The following CNTN3 variants were observed in gnomAD, a reference collection of about 807,000 sequenced individuals.
CNTN3 encodes contactin 3, also known as contactin-3.
A neutral mutation model predicts 119.1 loss-of-function variants in CNTN3; 60 were observed. The ratio of observed to expected loss-of-function variants is 0.50; its 90% confidence interval spans 0.41 to 0.62. The LOEUF is 0.62. Ranked by LOEUF, CNTN3 falls within the 20% of genes least tolerant of loss-of-function variation. The pLI, the probability that CNTN3 is intolerant of heterozygous loss-of-function variation, is 0.00. For missense variants in CNTN3, 1,101 were observed against 1,242.4 expected (o/e 0.89, Z 1.71); for synonymous variants, 450 against 438.7 (o/e 1.03, Z -0.32).
intron 2 of CNTN3, among the ~76,000 whole-genome samples, chr3:74,517,933 T>G (rs1703478555): frequency 6.6e-6 from 1 of 151,944 alleles, no homozygotes; most frequent in Non-Finnish European, 1.5e-5. Context: ...CAGGGGTATT[T>G]AAAAACACTT....
chr3:74,399,543 T>C lies in CNTN3; in HGVS notation c.454+25302A>G, dbSNP rs151135691. Among the ~76,000 whole-genome samples, 14 of 152,306 alleles carry C rather than the reference T, an allele frequency of 9.2e-5. No homozygotes were observed. In the East Asian group the frequency reaches 1.4e-3, roughly 15 times the overall value. Reference sequence around the variant, plus strand: ...CACATTTTCTTTATCCAGTCTATCATTGATGGGCATTCCAGTTGATTCCCT... The same window carrying C: ...CACATTTTCTTTATCCAGTCTATCACTGATGGGCATTCCAGTTGATTCCCT... On this transcript the variant is annotated intron_variant, in intron 5 of 22. Coordinates refer to ENST00000263665, the MANE Select transcript of CNTN3 (RefSeq NM_020872.3).
chr3:74,415,413 C>T (rs1000259955), intron 5 of CNTN3, among the ~76,000 whole-genome samples: 7 of 152,120 alleles, frequency 4.6e-5, no homozygotes, highest in Non-Finnish European at 4.4e-5. Context: ...GTGGTATGTT[C>T]CATGCTGACT....
chr3:74,503,228 C>T (rs995727391), intron 2 of CNTN3, among the ~76,000 whole-genome samples: 3 of 152,064 alleles, frequency 2.0e-5, no homozygotes, highest in Admixed American at 2.0e-4. Context: ...ACACTGTTCT[C>T]AATATGGTCA....
rs1156970489 is a variant in CNTN3 at position 74,432,860 on chromosome 3, C to G, written c.359-7920G>C. ...AAAACATTTAATTATGTATAAACCC[C>G]CTAAGGGAAAACTCTCCCATGGCAA... On this transcript the variant is annotated intron_variant, in intron 4 of 22. Coordinates refer to ENST00000263665, the MANE Select transcript of CNTN3 (RefSeq NM_020872.3). Among the ~76,000 whole-genome samples the G allele has an allele frequency of 5.9e-5, 9 of 152,140 alleles. No homozygotes were observed. In the East Asian group the frequency reaches 7.7e-4, roughly 13 times the overall value.
At position 74,592,523 on chromosome 3, in the gene CNTN3, T is replaced by C. The variant is rs1471699029; in HGVS notation, c.-81+21868A>G. Among the ~76,000 whole-genome samples the C allele has an allele frequency of 4.0e-5, 6 of 151,688 alleles. No individual in the cohort carries two copies. The East Asian group carries it at 1.2e-3, about 29-fold the overall frequency. On this transcript the variant is annotated intron_variant, in intron 1 of 22. Transcript: ENST00000263665. The stretch of plus-strand genomic sequence containing the variant: ...CACACAGTATCCAACGATTCTTACT[T>C]AAGAAGTCAAAAAGAGGAACACCAG...
In CNTN3 at chr3:74,365,587, A is replaced by AT; in HGVS notation, c.1061dup (p.Asn354LysfsTer27). 6.2e-7 allele frequency: 1 copy of AT among 1,613,300 alleles called. No individual in the cohort carries two copies. Among genetic ancestry groups the AT allele is most frequent in the Non-Finnish European group, 8.5e-7 (1 of 1,179,472 alleles). On this transcript the variant is annotated frameshift_variant, in exon 9 of 23. Coordinates refer to ENST00000263665, the MANE Select transcript of CNTN3 (RefSeq NM_020872.3). LOFTEE classifies it high-confidence loss of function. ...TTACCTCTAGCACCAGGGCTGCTCC[A>AT]TTTTTCAGCCATCGGTAGGAAGGCT...
intron 5 of CNTN3, among the ~76,000 whole-genome samples, chr3:74,420,148 G>A (rs1159349179): frequency 6.6e-6 from 1 of 152,172 alleles, no homozygotes; most frequent in African/African-American, 2.4e-5. Context: ...ACAGAATGAT[G>A]GGGAGATAAG....
At chr3:74,611,666 A>G (rs1295527803) in intron 1 of CNTN3, among the ~76,000 whole-genome samples, 2 of 152,094 alleles carry the variant, frequency 1.3e-5, no homozygotes, top group South Asian at 2.1e-4. Flanking sequence ...GATATTCTCC[A>G]TTGCACTTTT....
chr3:74,320,949 G>GA (rs1321778720), intron 13 of CNTN3, among the ~76,000 whole-genome samples: 135 of 139,390 alleles, frequency 9.7e-4, no homozygotes, highest in Middle Eastern at 3.7e-3. Context: ...ATGTTGAATT[G>GA]AAAAAAAAAA....
intron 3 of CNTN3, among the ~76,000 whole-genome samples, chr3:74,491,887 A>G (rs904703522): frequency 2.6e-5 from 4 of 152,160 alleles, no homozygotes; most frequent in Non-Finnish European, 4.4e-5. Flanking sequence ...TCATAAAAGT[A>G]TATTTGTATA....
At chr3:74,396,748 A>G (rs982471792) in intron 5 of CNTN3, among the ~76,000 whole-genome samples, 5 of 59,582 alleles carry the variant, frequency 8.4e-5, no homozygotes, top group East Asian at 1.4e-3. Context: ...CCGCCTCAGA[A>G]AAAAAAAAAA....
chr3:74,521,220 G>GT, intron 1 of CNTN3, 28 bp from the exon 2 acceptor site: 4 of 323,198 alleles, frequency 1.2e-5, no homozygotes, highest in Non-Finnish European at 1.6e-5. Flanking sequence ...AAAGAAGTTC[G>GT]TTAAAAAAAA....
At chr3:74,471,644 GC>G (rs1464183304) in intron 4 of CNTN3, among the ~76,000 whole-genome samples, 1 of 152,080 alleles carries the variant, frequency 6.6e-6, no homozygotes, top group Admixed American at 6.5e-5. Flanking sequence ...GACCACTTCT[GC>G]CAACTCATCT....
chr3:74,384,958 C>T (rs1034726274), intron 5 of CNTN3, among the ~76,000 whole-genome samples: 1 of 152,118 alleles, frequency 6.6e-6, no homozygotes, highest in African/African-American at 2.4e-5. Context: ...AGTTGATCTT[C>T]CGCTGGCATG....
chr3:74,291,601 G>C (rs534127138), intron 19 of CNTN3, among the ~76,000 whole-genome samples: 2 of 152,186 alleles, frequency 1.3e-5, no homozygotes, highest in East Asian at 3.9e-4. Context: ...GGATGGTCTC[G>C]ATCTCCTGAC....
chr3:74,575,293 C>A (rs1704396207), intron 1 of CNTN3, among the ~76,000 whole-genome samples: 1 of 151,956 alleles, frequency 6.6e-6, no homozygotes, highest in South Asian at 2.1e-4. Context: ...GCTCTGTCAC[C>A]CAGGCTGGAG....
intron 4 of CNTN3, among the ~76,000 whole-genome samples, chr3:74,425,560 T>G (rs1044876137): frequency 6.6e-6 from 1 of 152,160 alleles, no homozygotes; most frequent in Admixed American, 6.6e-5. Context: ...TGTATCAGAA[T>G]GAACTAACCA....
At chr3:74,267,804 C>T (rs75979665) in intron 20 of CNTN3, among the ~76,000 whole-genome samples, 2,632 of 152,104 alleles carry the variant, frequency 0.017, 46 homozygotes, top group South Asian at 0.086. Flanking sequence ...GCTGCTTGTT[C>T]CTAAACCAAG....
intron 13 of CNTN3, among the ~76,000 whole-genome samples, chr3:74,321,913 C>G (rs1198836279): frequency 1.3e-5 from 2 of 151,980 alleles, no homozygotes; most frequent in East Asian, 3.9e-4. Flanking sequence ...TTTTCCCAAA[C>G]AGAAAGCACC....
Sources: gnomAD v4.1 joint callset for allele counts (sites outside exome capture counted in the v4.1 genomes callset) on GRCh38, gnomAD v4.1.1 for gene constraint, MANE v1.5 for transcripts, NCBI Gene and HGNC (gene_info 2026-07-23, HGNC 2026-07-21) for gene names.